Variants in B4GALNT3 observed in about 807,000 individuals in gnomAD.
B4GALNT3 encodes beta-1,4-N-acetyl-galactosaminyltransferase 3.
A neutral mutation model predicts 120.2 loss-of-function variants in B4GALNT3; 86 were observed. The observed-to-expected ratio is 0.72, with a 90% CI of 0.60 to 0.86. The LOEUF is 0.86. Among genes scored for constraint, B4GALNT3 ranks in the 40% least tolerant of loss-of-function variants. The probability of loss-of-function intolerance (pLI) is 0.00; values close to 1 mark genes in which losing one functional copy is unlikely to be tolerated. For synonymous variants in B4GALNT3, 518 were observed against 510.4 expected, an observed-to-expected ratio of 1.01 and a Z score of -0.20; for missense variants, 1,167 against 1,298.9, an observed-to-expected ratio of 0.90 and a Z score of 1.56.
intron 2 of B4GALNT3, among the ~76,000 whole-genome samples, chr12:535,562 G>A (rs1565605170): frequency 6.6e-6 from 1 of 152,168 alleles, no homozygotes; most frequent in African/African-American, 2.4e-5. Flanking sequence ...ACCACTCCGG[G>A]CCTGCGACCT....
intron 1 of B4GALNT3, among the ~76,000 whole-genome samples, chr12:482,517 C>T (rs537734631): frequency 5.3e-5 from 8 of 152,128 alleles, no homozygotes; most frequent in Non-Finnish European, 1.2e-4. Context: ...ATTTATCCAA[C>T]ATTTATTGAG....
chr12:546,129 G>A (rs370116532), intron 6 of B4GALNT3, among the ~76,000 whole-genome samples: 4 of 144,202 alleles, frequency 2.8e-5, no homozygotes, highest in African/African-American at 1.0e-4. Context: ...GGGAAAAGCG[G>A]GAAGGAGTCG....
intron 1 of B4GALNT3, among the ~76,000 whole-genome samples, chr12:511,447 TTCCA>T: frequency 1.3e-5 from 1 of 77,406 alleles, no homozygotes; most frequent in Non-Finnish European, 2.5e-5. Context: ...ACCTTCCACC[TTCCA>T]CCTTCTTCCA....
chr12:507,810 G>A (rs143427355), intron 1 of B4GALNT3, among the ~76,000 whole-genome samples: 74 of 142,598 alleles, frequency 5.2e-4, no homozygotes, highest in African/African-American at 1.7e-3. Flanking sequence ...CTTGGTGGAC[G>A]TCTGTCCCTG....
chr12:475,874 G>C (rs766381053), intron 1 of B4GALNT3, among the ~76,000 whole-genome samples: 1 of 152,196 alleles, frequency 6.6e-6, no homozygotes, highest in Non-Finnish European at 1.5e-5. Flanking sequence ...CCACAGCATT[G>C]ATGGAATGCT....
At chr12:537,610 A>C (rs1946874201) in intron 3 of B4GALNT3, among the ~76,000 whole-genome samples, 1 of 152,232 alleles carries the variant, frequency 6.6e-6, no homozygotes, top group Non-Finnish European at 1.5e-5. Context: ...GTTAATTAAC[A>C]TACACAAGAT....
intron 1 of B4GALNT3, among the ~76,000 whole-genome samples, chr12:485,746 T>G (rs1946284744): frequency 1.3e-5 from 2 of 152,206 alleles, no homozygotes; most frequent in African/African-American, 2.4e-5. Context: ...AAAAGTTGAT[T>G]TTTAAACCTA....
In B4GALNT3 at chr12:562,904, G is replaced by A. The variant is rs73594216; in HGVS notation, c.*1453G>A. The A allele has an allele frequency of 4.6e-3, 697 of 152,442 alleles. 11 individuals are homozygous for A. The highest frequency in any genetic ancestry group is 0.023 in the East Asian group (118 of 5,184). 9.4% of individuals were successfully genotyped at this position (152,442 alleles called of 1,614,324 possible). Reference sequence around the variant, plus strand: ...CAGAAGACCAGGCCACTGAGCCCGCGCTCCAGGCTGTGACGGTCCAAACCA... The same window carrying A: ...CAGAAGACCAGGCCACTGAGCCCGCACTCCAGGCTGTGACGGTCCAAACCA... On this transcript the variant is annotated 3_prime_UTR_variant, in exon 20 of 20. Coordinates refer to ENST00000266383, the MANE Select transcript of B4GALNT3 (RefSeq NM_173593.4). This position sits in a 1 kb window ranked among gnomAD's most constrained non-coding sequence, Gnocchi z 5.2.
intron 1 of B4GALNT3, among the ~76,000 whole-genome samples, chr12:499,460 G>A (rs1001587890): frequency 2.9e-5 from 4 of 137,796 alleles, no homozygotes; most frequent in East Asian, 2.2e-4. Context: ...CGTGGAGCCC[G>A]TGCTCTCACT....
At position 557,601 on chromosome 12, in the gene B4GALNT3, G is replaced by A. The variant is rs1947173080; in HGVS notation, c.2381-7G>A. ...GTTTCCTTCTCCTGCCTGACCCCCTGGGGTAGTGAAGAACCAGGCACGCTG... is the reference window on the plus strand; with the variant it reads ...GTTTCCTTCTCCTGCCTGACCCCCTAGGGTAGTGAAGAACCAGGCACGCTG... On this transcript the variant is annotated splice_region_variant and splice_polypyrimidine_tract_variant and intron_variant, in intron 15 of 19. Transcript: ENST00000266383. 2 of 1,607,608 alleles carry A rather than the reference G, an allele frequency of 1.2e-6. No individual in the cohort carries two copies. The highest frequency in any genetic ancestry group is 8.5e-7 in the Non-Finnish European group (1 of 1,177,832).
At chr12:521,976 T>TC (rs1391776172) in intron 1 of B4GALNT3, among the ~76,000 whole-genome samples, 1 of 151,504 alleles carries the variant, frequency 6.6e-6, no homozygotes, top group Non-Finnish European at 1.5e-5. Flanking sequence ...GTTCTTTTTT[T>TC]TTTTTTAACT....
At chr12:500,865 C>CCTTTT (rs2043817132) in intron 1 of B4GALNT3, among the ~76,000 whole-genome samples, 1 of 61,830 alleles carries the variant, frequency 1.6e-5, no homozygotes, top group African/African-American at 7.5e-5. Flanking sequence ...GGCTCCACTG[C>CCTTTT]TTTTTTTTTT....
chr12:505,167 C>T lies in B4GALNT3; in HGVS notation c.170-29999C>T, dbSNP rs567820818. ...TTGGCCTCCCAACGTGCTGGGAGTA[C>T]AGGCGTGAACCACCACGCCTGGCCT... On this transcript the variant is annotated intron_variant, in intron 1 of 19. Transcript: ENST00000266383. Among the ~76,000 whole-genome samples, 3 of 152,324 alleles carry T rather than the reference C, an allele frequency of 2.0e-5. No homozygotes were observed. The South Asian group carries it at 6.2e-4, about 32-fold the overall frequency.
intron 1 of B4GALNT3, among the ~76,000 whole-genome samples, chr12:508,479 A>G (rs2120562968): frequency 6.6e-6 from 1 of 152,286 alleles, no homozygotes; most frequent in South Asian, 2.1e-4. Context: ...ATAGGGTCTT[A>G]CTACATTGCC....
At chr12:552,773 C>G in intron 13 of B4GALNT3, 2 of 549,438 alleles carry the variant, frequency 3.6e-6, no homozygotes, top group South Asian at 5.0e-5. Flanking sequence ...AGTGAGAGCC[C>G]GGGGGAGGTT....
intron 1 of B4GALNT3, among the ~76,000 whole-genome samples, chr12:521,982 T>C (rs911093972): frequency 4.6e-5 from 7 of 151,018 alleles, no homozygotes; most frequent in Admixed American, 1.3e-4. Context: ...TTTTTTTTTT[T>C]AACTTATTGG....
Position 559,426 on chromosome 12 carries a change from C to T in B4GALNT3, c.2888+5C>T. On this transcript the variant is annotated splice_donor_5th_base_variant and intron_variant, in intron 19 of 19. Coordinates refer to ENST00000266383, the MANE Select transcript of B4GALNT3 (RefSeq NM_173593.4). ...AGACTGGGAGCTGCTGGACAGGTGA[C>T]TGGGAAGAGGAGGGCATCCACGAGG... The T allele has an allele frequency of 6.2e-7, 1 of 1,613,470 alleles. No individual in the cohort carries two copies. Among genetic ancestry groups the T allele is most frequent in the Non-Finnish European group, 8.5e-7 (1 of 1,179,582 alleles).
chr12:543,261 C>A (rs1946940735), intron 3 of B4GALNT3: 19 of 1,214,612 alleles, frequency 1.6e-5, no homozygotes, highest in Non-Finnish European at 2.1e-5. Context: ...TGGGCCGGAC[C>A]CGCACAGTGA....
At chr12:555,920 A>G (rs971343698) in intron 14 of B4GALNT3, among the ~76,000 whole-genome samples, 3 of 152,022 alleles carry the variant, frequency 2.0e-5, no homozygotes, top group Admixed American at 6.5e-5. Context: ...AGTAGCTGGA[A>G]CTACAGGTGC....
Sources: gnomAD v4.1 joint callset for allele counts (sites outside exome capture counted in the v4.1 genomes callset) on GRCh38, gnomAD v4.1.1 for gene constraint, Gnocchi (gnomAD v3.1) non-coding constraint, MANE v1.5 for transcripts, NCBI Gene and HGNC (gene_info 2026-07-23, HGNC 2026-07-21) for gene names.